Variants in ATP10A observed in about 807,000 individuals in gnomAD.
The protein encoded by ATP10A is ATPase phospholipid transporting 10A (putative), also known as phospholipid-transporting ATPase VA.
ATP10A carries 111 observed loss-of-function variants against 147.8 expected under a neutral mutation model. The ratio of observed to expected loss-of-function variants is 0.75; its 90% CI spans 0.64 to 0.88. The LOEUF (loss-of-function observed/expected upper bound fraction) is 0.88, where lower values mean the gene tolerates loss of function less well. Ranked by LOEUF, ATP10A falls within the 40% of genes least tolerant of loss-of-function variation. The probability of loss-of-function intolerance (pLI) is 0.00; values close to 1 mark genes in which losing one functional copy is unlikely to be tolerated. For synonymous variants in ATP10A, 875 were observed against 841.6 expected, an observed-to-expected ratio of 1.04 and a Z score of -0.69; for missense variants, 1,927 against 1,959.0, an observed-to-expected ratio of 0.98 and a Z score of 0.31.
intron 15 of ATP10A, 69 bp from the exon 16 acceptor site, chr15:25,687,897 A>G (rs761295693): frequency 2.5e-6 from 4 of 1,601,512 alleles, no homozygotes; most frequent in Non-Finnish European, 3.4e-6. Flanking sequence ...TCTCTTCTCA[A>G]AATGCAAGGT....
At chr15:25,688,312 G>A (rs915688456) in intron 15 of ATP10A, among the ~76,000 whole-genome samples, 1 of 152,154 alleles carries the variant, frequency 6.6e-6, no homozygotes, top group Non-Finnish European at 1.5e-5. Context: ...CCCCCCAGAA[G>A]CCTTGGTGAT....
At chr15:25,705,441 AAAAAAAAAAAAAC>A (rs1420151889) in intron 12 of ATP10A, among the ~76,000 whole-genome samples, 2 of 38,540 alleles carry the variant, frequency 5.2e-5, no homozygotes, top group African/African-American at 1.8e-4. Context: ...GTCTCAAAGC[AAAAAAAAAAAAAC>A]AAAAAAAAAA....
chr15:25,754,040 T>A (rs899183853), intron 2 of ATP10A, among the ~76,000 whole-genome samples: 3 of 152,194 alleles, frequency 2.0e-5, no homozygotes, highest in Non-Finnish European at 2.9e-5. Context: ...CCTCAAGCAA[T>A]CCTCCTGCAT....
At chr15:25,722,171 G>A (rs1456595206) in intron 6 of ATP10A, among the ~76,000 whole-genome samples, 2 of 152,162 alleles carry the variant, frequency 1.3e-5, no homozygotes, top group Non-Finnish European at 2.9e-5. Context: ...GGTACCCATG[G>A]CTTGGATAGA....
chr15:25,856,731 C>T (rs570115344), intron 1 of ATP10A, among the ~76,000 whole-genome samples: 3 of 152,260 alleles, frequency 2.0e-5, no homozygotes, highest in African/African-American at 7.2e-5. Context: ...AAGTGCAGAA[C>T]ACCACCTAGG....
In ATP10A at chr15:25,695,041, A is replaced by G; in HGVS notation, c.2866T>C (p.Ser956Pro). The change falls in exon 14 of 21, where the codon TCT becomes CCT. Residue 956 changes from serine (S) to proline (P), a missense_variant. By Grantham distance (74) the Ser-to-Pro change is moderately conservative (BLOSUM62 -1). Coordinates refer to ENST00000555815, the MANE Select transcript of ATP10A (RefSeq NM_024490.4). ...TKGKVSMRFS[S>P]LCPPSTSTAS... ...GTGGACGTGGAGGGTGGGCAGAGAG[A>G]GGAGAACCTCATGCTCACTTTGCCC... 7.4e-6 allele frequency: 12 copies of G among 1,614,084 alleles called. No homozygotes were observed. Among genetic ancestry groups the G allele is most frequent in the Non-Finnish European group, 1.0e-5 (12 of 1,180,024 alleles).
intron 1 of ATP10A, among the ~76,000 whole-genome samples, chr15:25,837,638 C>A (rs1310876736): frequency 6.6e-6 from 1 of 152,178 alleles, no homozygotes; most frequent in African/African-American, 2.4e-5. Context: ...GTCTTTCAGC[C>A]CTCAGAGGAT....
intron 2 of ATP10A, among the ~76,000 whole-genome samples, chr15:25,776,095 T>A (rs1889592363): frequency 6.6e-6 from 1 of 152,250 alleles, no homozygotes; most frequent in Non-Finnish European, 1.5e-5. Flanking sequence ...GCTGAATGAA[T>A]TAAAACTTAC....
intron 15 of ATP10A, among the ~76,000 whole-genome samples, chr15:25,691,007 C>T (rs1900004768): frequency 6.6e-6 from 1 of 152,080 alleles, no homozygotes; most frequent in African/African-American, 2.4e-5. Flanking sequence ...AGCACATGCC[C>T]AACAGATCAT....
intron 2 of ATP10A, among the ~76,000 whole-genome samples, chr15:25,765,924 C>T (rs1340126611): frequency 2.6e-5 from 4 of 152,328 alleles, no homozygotes; most frequent in Non-Finnish European, 4.4e-5. Context: ...GCCAGAAGGA[C>T]CTCTGACATC....
rs774406716 is a variant in ATP10A, at chr15:25,718,395, C to A, written c.1368G>T (p.Gln456His). 6.3e-7 allele frequency: 1 copy of A among 1,595,488 alleles called. No homozygotes were observed. Among genetic ancestry groups the A allele is most frequent in the South Asian group, 1.1e-5 (1 of 88,834 alleles). The change falls in exon 8 of 21, where the codon CAG (glutamine) becomes CAT (histidine). Residue 456 changes from glutamine to histidine, a missense_variant. By Grantham distance (24) the Gln-to-His change is conservative. Transcript: ENST00000555815. ...GVEYSHDANA[Q>H]RLARYQEADS... ...CTGCCTCTTGGTACCTGGCCAGACGCTGCGCTGCGGGGAGAGGGCGCAGGG... is the reference window on the plus strand; with the variant it reads ...CTGCCTCTTGGTACCTGGCCAGACGATGCGCTGCGGGGAGAGGGCGCAGGG...
chr15:25,811,440 A>C (rs978380542), intron 1 of ATP10A, among the ~76,000 whole-genome samples: 1 of 152,190 alleles, frequency 6.6e-6, no homozygotes, highest in Non-Finnish European at 1.5e-5. Flanking sequence ...GGATGAGGAG[A>C]CAAAACAAAT....
intron 1 of ATP10A, among the ~76,000 whole-genome samples, chr15:25,841,326 T>C (rs928803289): frequency 2.2e-4 from 33 of 152,022 alleles, no homozygotes; most frequent in African/African-American, 6.3e-4. Context: ...ACACCGTTTA[T>C]TGGAAAACTA....
At position 25,718,236 on chromosome 15, in the gene ATP10A, G is replaced by A. The variant is rs56752377; in HGVS notation, c.1527C>T (p.Ala509=). The A allele has an allele frequency of 1.1e-3, 1,708 of 1,613,042 alleles. 15 individuals are homozygous for A. The African/African-American group carries it at 0.02, about 19-fold the overall frequency. ...TKSHRRTGSR[A]EAKRASMLSK... ...ACAGCATGCTGGCCCTCTTGGCCTC[G>A]GCCCGGCTGCCCGTGCGCCGGTGGG... Residue 509 remains alanine (A), a synonymous_variant, in exon 8 of 21, where the codon GCC becomes GCT. Coordinates refer to ENST00000555815, the MANE Select transcript of ATP10A (RefSeq NM_024490.4).
chr15:25,794,354 T>C (rs1394086187), intron 1 of ATP10A, among the ~76,000 whole-genome samples: 1 of 150,814 alleles, frequency 6.6e-6, no homozygotes, highest in Non-Finnish European at 1.5e-5. Context: ...AATAAATAAA[T>C]AAATATAAGA....
At chr15:25,743,675 T>C (rs1363057949) in intron 2 of ATP10A, among the ~76,000 whole-genome samples, 3 of 152,156 alleles carry the variant, frequency 2.0e-5, no homozygotes, top group Admixed American at 2.0e-4. Flanking sequence ...ACAACAGTCA[T>C]TTGTTGTCTC....
intron 1 of ATP10A, among the ~76,000 whole-genome samples, chr15:25,858,894 A>G (rs141839305): frequency 6.6e-6 from 1 of 151,606 alleles, no homozygotes; most frequent in Non-Finnish European, 1.5e-5. Flanking sequence ...AAAAGGGAGA[A>G]AAAAAAAAGA....
At chr15:25,808,726 T>C (rs1891304171) in intron 1 of ATP10A, among the ~76,000 whole-genome samples, 1 of 152,176 alleles carries the variant, frequency 6.6e-6, no homozygotes, top group Non-Finnish European at 1.5e-5. Context: ...AACTCAGGTA[T>C]TTTTACCCCA....
intron 2 of ATP10A, among the ~76,000 whole-genome samples, chr15:25,778,518 C>T (rs546592549): frequency 4.0e-5 from 6 of 149,082 alleles, no homozygotes; most frequent in South Asian, 2.1e-4. Context: ...CCCAGAAAGT[C>T]GGGGGAAAAA....
Sources: gnomAD v4.1 joint callset for allele counts (sites outside exome capture counted in the v4.1 genomes callset) on GRCh38, gnomAD v4.1.1 for gene constraint, MANE v1.5 for transcripts, NCBI Gene and HGNC (gene_info 2026-07-23, HGNC 2026-07-21) for gene names.